DYNC1I1: variants seen among roughly 807,000 people sequenced by gnomAD.
DYNC1I1 encodes cytoplasmic dynein 1 intermediate chain 1.
A neutral mutation model predicts 86.6 loss-of-function variants in DYNC1I1; 43 were observed. That is an observed-to-expected ratio of 0.50 (90% confidence interval 0.39 to 0.64). DYNC1I1 has a LOEUF of 0.64. Among genes scored for constraint, DYNC1I1 ranks in the 30% least tolerant of loss-of-function variants. The pLI is 0.00. For synonymous variants in DYNC1I1, 262 were observed against 283.7 expected, an observed-to-expected ratio of 0.92 and a Z score of 0.77; for missense variants, 604 against 788.8, an observed-to-expected ratio of 0.77 and a Z score of 2.81.
At position 96,058,561 on chromosome 7, in the gene DYNC1I1, A is replaced by G. The variant is rs551230553; in HGVS notation, c.1510-17496A>G. Among the ~76,000 whole-genome samples the G allele has an allele frequency of 4.6e-5, 7 of 152,320 alleles. No homozygotes were observed. The East Asian group carries it at 1.4e-3, about 29-fold the overall frequency. The stretch of plus-strand genomic sequence containing the variant: ...GGGAGTATCACAGTGACAAGGGCAG[A>G]CAAAACCCCCCCGACTTCACAAACT... On this transcript the variant is annotated intron_variant, in intron 14 of 16. Transcript: ENST00000447467.
intron 1 of DYNC1I1, 23 bp from the exon 2 acceptor site, chr7:95,804,698 C>CTTTTTTTTT: frequency 6.5e-7 from 1 of 1,534,084 alleles, no homozygotes; most frequent in African/African-American, 1.4e-5. Context: ...TATATGTTCA[C>CTTTTTTTTT]TTTTTTTTTC....
intron 14 of DYNC1I1, among the ~76,000 whole-genome samples, chr7:96,042,567 C>T (rs1789081163): frequency 6.6e-6 from 1 of 152,114 alleles, no homozygotes; most frequent in Non-Finnish European, 1.5e-5. Flanking sequence ...TGCTACCAAA[C>T]ACTACAAAGT....
chr7:96,046,306 T>C (rs1789214726), intron 14 of DYNC1I1, among the ~76,000 whole-genome samples: 1 of 152,188 alleles, frequency 6.6e-6, no homozygotes, highest in Admixed American at 6.5e-5. Flanking sequence ...TTAATCAAAA[T>C]TTGATTTTAA....
intron 6 of DYNC1I1, among the ~76,000 whole-genome samples, chr7:95,880,413 C>T (rs1790421799): frequency 6.6e-6 from 1 of 152,098 alleles, no homozygotes; most frequent in Non-Finnish European, 1.5e-5. Context: ...ATAAACGACC[C>T]GGGCAGTTTC....
At chr7:95,820,318 T>C (rs1176500471) in intron 4 of DYNC1I1, among the ~76,000 whole-genome samples, 2 of 152,230 alleles carry the variant, frequency 1.3e-5, no homozygotes, top group Non-Finnish European at 2.9e-5. Context: ...TTAACATCAC[T>C]TTAATGAATG....
intron 15 of DYNC1I1, among the ~76,000 whole-genome samples, 200 bp downstream of exon 15, chr7:96,076,397 C>G (rs1013685965): frequency 6.6e-6 from 1 of 152,210 alleles, no homozygotes; most frequent in Non-Finnish European, 1.5e-5. Flanking sequence ...CTCCCTTCAT[C>G]CCTAAACGGT....
At chr7:95,854,569 C>T (rs1053287144) in intron 5 of DYNC1I1, among the ~76,000 whole-genome samples, 1 of 152,064 alleles carries the variant, frequency 6.6e-6, no homozygotes, top group African/African-American at 2.4e-5. Flanking sequence ...TAGTGATTTA[C>T]ACACCACCAT....
chr7:95,975,469 A>G (rs961180763), intron 6 of DYNC1I1, among the ~76,000 whole-genome samples: 14 of 152,006 alleles, frequency 9.2e-5, no homozygotes, highest in African/African-American at 3.4e-4. Flanking sequence ...TCATCTCCAC[A>G]TGGTGTTCTT....
intron 6 of DYNC1I1, among the ~76,000 whole-genome samples, chr7:95,898,717 A>G (rs1790955584): frequency 1.3e-5 from 2 of 152,178 alleles, no homozygotes; most frequent in African/African-American, 4.8e-5. Flanking sequence ...GGATTTATTT[A>G]TTTACTTTTT....
chr7:95,778,650 GT>G (rs869186157), intron 1 of DYNC1I1, among the ~76,000 whole-genome samples: 2 of 150,748 alleles, frequency 1.3e-5, no homozygotes, highest in Non-Finnish European at 3.0e-5. Flanking sequence ...TTTCTTTTTA[GT>G]TTTATTTATT....
intron 6 of DYNC1I1, among the ~76,000 whole-genome samples, chr7:95,959,579 G>A (rs911252784): frequency 1.3e-5 from 2 of 152,196 alleles, no homozygotes; most frequent in Non-Finnish European, 2.9e-5. Context: ...TAGGATCCAG[G>A]AAGAAGATTA....
intron 5 of DYNC1I1, among the ~76,000 whole-genome samples, chr7:95,849,757 T>A (rs1218708598): frequency 2.0e-5 from 3 of 152,086 alleles, no homozygotes; most frequent in African/African-American, 7.2e-5. Flanking sequence ...CTGTAAAAAA[T>A]TTCGCTGGTA....
intron 6 of DYNC1I1, among the ~76,000 whole-genome samples, chr7:95,936,088 C>G (rs1792033711): frequency 6.6e-6 from 1 of 151,928 alleles, no homozygotes; most frequent in African/African-American, 2.4e-5. Context: ...TCATAATACT[C>G]TCATCCAACT....
chr7:96,058,118 AC>A (rs1285837795), intron 14 of DYNC1I1, among the ~76,000 whole-genome samples: 2 of 152,226 alleles, frequency 1.3e-5, no homozygotes. Flanking sequence ...TGCAAGAATA[AC>A]AGCACAAATA....
intron 6 of DYNC1I1, among the ~76,000 whole-genome samples, chr7:95,885,489 C>A (rs755929573): frequency 9.4e-4 from 143 of 151,734 alleles, no homozygotes; most frequent in Non-Finnish European, 1.7e-3. Context: ...TCATTTTTTT[C>A]TTCCTAAGAG....
chr7:96,080,838 G>A (rs1790495015), intron 16 of DYNC1I1, among the ~76,000 whole-genome samples: 3 of 152,104 alleles, frequency 2.0e-5, no homozygotes, highest in South Asian at 2.1e-4. Flanking sequence ...TTGGGAGGCC[G>A]TGGCAGGTGG....
At chr7:95,806,279 A>C (rs1475142699) in intron 2 of DYNC1I1, among the ~76,000 whole-genome samples, 3 of 152,236 alleles carry the variant, frequency 2.0e-5, no homozygotes, top group African/African-American at 7.2e-5. Flanking sequence ...TGAATGTCAT[A>C]AAATTACCAC....
rs547324163 is a variant in DYNC1I1 at position 95,880,896 on chromosome 7, C to T, written c.490+10898C>T. Among the ~76,000 whole-genome samples, 3 of 152,168 alleles carry T rather than the reference C, an allele frequency of 2.0e-5. No individual in the cohort carries two copies. In the East Asian group the frequency reaches 5.8e-4, roughly 29 times the overall value. On this transcript the variant is annotated intron_variant, in intron 6 of 16. Transcript: ENST00000447467. ...CCTGACCCTCACGATCCGCCCATCT[C>T]AGCCTCCCATAACTTGCATTTTCAC...
intron 6 of DYNC1I1, among the ~76,000 whole-genome samples, chr7:95,926,635 T>C (rs1220885707): frequency 6.6e-6 from 1 of 152,184 alleles, no homozygotes; most frequent in Non-Finnish European, 1.5e-5. Flanking sequence ...TTCAAAGACA[T>C]TAAAATTTTC....
Sources: allele counts gnomAD v4.1 joint callset (sites outside exome capture counted in the v4.1 genomes callset), GRCh38; gene constraint gnomAD v4.1.1; transcripts MANE v1.5; gene names NCBI Gene and HGNC (gene_info 2026-07-23, HGNC 2026-07-21).